The following ENOX2 variants were observed in gnomAD, a reference collection of about 807,000 sequenced individuals.
ENOX2 encodes ecto-NOX disulfide-thiol exchanger 2, also known as APK1 antigen.
In ENOX2, 36 loss-of-function variants were observed where a neutral mutation model predicts 45.0. The observed-to-expected ratio is 0.80, with a 90% CI of 0.61 to 1.06. The LOEUF (loss-of-function observed/expected upper bound fraction) is 1.06, where lower values mean the gene tolerates loss of function less well. ENOX2 is among the 50% of genes least tolerant of loss of function. The pLI is 0.00. For missense variants in ENOX2, 423 were observed against 462.5 expected, an observed-to-expected ratio of 0.91 and a Z score of 0.78; for synonymous variants, 174 against 152.3, an observed-to-expected ratio of 1.14 and a Z score of -1.05.
At chrX:130,796,755 C>A (rs755599176) in intron 2 of ENOX2, among the ~76,000 whole-genome samples, 1 of 111,894 alleles carries the variant, frequency 8.9e-6, no homozygotes, top group African/African-American at 3.2e-5. Context: ...ATTAGAAAAT[C>A]TTAACATTTT....
At chrX:130,653,840 C>T (rs1462432260) in intron 10 of ENOX2, among the ~76,000 whole-genome samples, 2 of 112,150 alleles carry the variant, frequency 1.8e-5, no homozygotes, top group African/African-American at 6.5e-5. Flanking sequence ...ATTAAGGGAA[C>T]AGAAAACTTT....
chrX:130,821,990 C>A (rs1354101487), intron 2 of ENOX2, among the ~76,000 whole-genome samples: 1 of 101,650 alleles, frequency 9.8e-6, no homozygotes, highest in Non-Finnish European at 2.0e-5. Context: ...ATTGCTTGAG[C>A]TCAGGAGGCA....
intron 2 of ENOX2, among the ~76,000 whole-genome samples, chrX:130,862,722 A>T (rs1301352660): frequency 9.0e-6 from 1 of 111,640 alleles, no homozygotes; most frequent in Admixed American, 9.6e-5. Flanking sequence ...GCACTCAATA[A>T]GTATTTGATA....
chrX:130,757,111 T>C (rs1262573494), intron 3 of ENOX2, among the ~76,000 whole-genome samples: 3 of 112,087 alleles, frequency 2.7e-5, no homozygotes, highest in African/African-American at 9.7e-5. Context: ...TCTTCAATAT[T>C]TTCCTTAGGA....
chrX:130,770,848 C>A (rs2039724357), intron 3 of ENOX2, among the ~76,000 whole-genome samples: 1 of 112,062 alleles, frequency 8.9e-6, no homozygotes, highest in Non-Finnish European at 1.9e-5. Context: ...TATTCGTCAT[C>A]AAAATGTACA....
chrX:130,883,771 A>G (rs1268185127), intron 2 of ENOX2, among the ~76,000 whole-genome samples: 7 of 111,275 alleles, frequency 6.3e-5, no homozygotes, highest in African/African-American at 2.3e-4. Flanking sequence ...ACCAAAGAGG[A>G]AAATCCATCA....
intron 3 of ENOX2, among the ~76,000 whole-genome samples, chrX:130,719,414 GT>G (rs2038414422): frequency 9.6e-6 from 1 of 104,538 alleles, no homozygotes; most frequent in African/African-American, 3.6e-5. Flanking sequence ...GTTCCCACAC[GT>G]TTCCCAGCTT....
intron 2 of ENOX2, among the ~76,000 whole-genome samples, chrX:130,866,863 T>A (rs1042546905): frequency 1.2e-4 from 13 of 110,788 alleles, no homozygotes; most frequent in Admixed American, 5.8e-4. Flanking sequence ...AACCCCATTT[T>A]TTTTTTAGTA....
In ENOX2 at chrX:130,780,873, A is replaced by ACT. The variant is rs758932947; in HGVS notation, c.-39+2673_-39+2674insAG. On this transcript the variant is annotated intron_variant, in intron 3 of 14. Coordinates refer to ENST00000394363, the MANE Select transcript of ENOX2 (RefSeq NM_006375.4). ...GAGATGGCTTTGACTCAGTGGAGTTACAGGGCCGAGTGATGCAATGACTGG... is the reference window on the plus strand; with the variant it reads ...GAGATGGCTTTGACTCAGTGGAGTTACTCAGGGCCGAGTGATGCAATGACTGG... 3.9e-3 allele frequency among the ~76,000 whole-genome samples: 440 copies of ACT among 111,397 alleles called. 2 individuals are homozygous for ACT. The highest frequency in any genetic ancestry group is 0.014 in the African/African-American group (425 of 30,650).
chrX:130,661,069 A>G (rs181587296), intron 9 of ENOX2, among the ~76,000 whole-genome samples: 84 of 112,417 alleles, frequency 7.5e-4, no homozygotes, highest in African/African-American at 2.2e-3. Flanking sequence ...TTATCTAACT[A>G]TAGTTTCACA....
At chrX:130,655,856 G>A (rs1324990378) in intron 10 of ENOX2, among the ~76,000 whole-genome samples, 2 of 111,769 alleles carry the variant, frequency 1.8e-5, no homozygotes, top group East Asian at 5.6e-4. Context: ...GGCTGGTCTC[G>A]AACTCCTGAC....
At chrX:130,792,977 C>A (rs1329029095) in intron 2 of ENOX2, among the ~76,000 whole-genome samples, 1 of 112,055 alleles carries the variant, frequency 8.9e-6, no homozygotes, top group African/African-American at 3.2e-5. Flanking sequence ...CAGTGCTGCT[C>A]TAGAGTCAGA....
intron 2 of ENOX2, among the ~76,000 whole-genome samples, chrX:130,894,355 T>TA (rs1312204461): frequency 5.0e-5 from 4 of 80,769 alleles, no homozygotes; most frequent in African/African-American, 1.4e-4. Context: ...AAGTAAAATT[T>TA]AAAAAAAAAA....
At chrX:130,865,040 AT>A (rs59866457) in intron 2 of ENOX2, among the ~76,000 whole-genome samples, 20,807 of 94,294 alleles carry the variant, frequency 0.22, 1,858 homozygotes, top group African/African-American at 0.24. Flanking sequence ...TTGGACACAG[AT>A]TTTTTTTTTT....
chrX:130,795,821 C>T (rs925639043), intron 2 of ENOX2, among the ~76,000 whole-genome samples: 1 of 111,105 alleles, frequency 9.0e-6, no homozygotes, highest in African/African-American at 3.3e-5. Context: ...ATAACTTTTC[C>T]TTTTTCCACC....
chrX:130,765,271 A>G (rs1180981956), intron 3 of ENOX2, among the ~76,000 whole-genome samples: 1 of 110,878 alleles, frequency 9.0e-6, no homozygotes, highest in Non-Finnish European at 1.9e-5. Flanking sequence ...TAAGATCTTG[A>G]TAATAATCTA....
At chrX:130,887,425 T>C (rs1033460774) in intron 2 of ENOX2, among the ~76,000 whole-genome samples, 5 of 110,644 alleles carry the variant, frequency 4.5e-5, no homozygotes, top group Admixed American at 3.8e-4. Context: ...CGCTTCTGTT[T>C]AGCTCAGCTC....
At chrX:130,822,912 G>A (rs2077645435) in intron 2 of ENOX2, among the ~76,000 whole-genome samples, 1 of 112,316 alleles carries the variant, frequency 8.9e-6, no homozygotes, top group African/African-American at 3.2e-5. Flanking sequence ...ACTAAGCTGT[G>A]ATGTTTGCTA....
chrX:130,684,302 G>T (rs1484399161), intron 5 of ENOX2, among the ~76,000 whole-genome samples: 1 of 112,004 alleles, frequency 8.9e-6, no homozygotes, highest in African/African-American at 3.2e-5. Flanking sequence ...GACCAAGGAG[G>T]TTATATGACT....
Sources: allele counts gnomAD v4.1 joint callset (sites outside exome capture counted in the v4.1 genomes callset), GRCh38; gene constraint gnomAD v4.1.1; transcripts MANE v1.5; gene names NCBI Gene and HGNC (gene_info 2026-07-23, HGNC 2026-07-21).